Variants in DNAH12 observed in about 807,000 individuals in gnomAD.
The protein encoded by DNAH12 is dynein axonemal heavy chain 12, also known as axonemal beta dynein heavy chain 12.
In DNAH12, 285 loss-of-function variants were observed where a neutral mutation model predicts 371.5. The ratio of observed to expected loss-of-function variants is 0.77; its 90% CI spans 0.70 to 0.85. The LOEUF (loss-of-function observed/expected upper bound fraction) is 0.85. Ranked by LOEUF, DNAH12 falls within the 40% of genes least tolerant of loss-of-function variation. The probability of loss-of-function intolerance (pLI) is 0.00; values close to 1 mark genes in which losing one functional copy is unlikely to be tolerated. For missense variants in DNAH12, 3,611 were observed against 3,689.4 expected, an observed-to-expected ratio of 0.98 and a Z score of 0.55; for synonymous variants, 1,200 against 1,213.0, an observed-to-expected ratio of 0.99 and a Z score of 0.22.
At chr3:57,493,981 C>T (rs183514218) in intron 11 of DNAH12, among the ~76,000 whole-genome samples, 42 of 152,254 alleles carry the variant, frequency 2.8e-4, no homozygotes, top group African/African-American at 9.1e-4. Flanking sequence ...GCTTGTAATG[C>T]CAGAGCTTTG....
chr3:57,421,944 T>C (rs906055214), intron 35 of DNAH12, among the ~76,000 whole-genome samples: 10 of 137,270 alleles, frequency 7.3e-5, no homozygotes, highest in Non-Finnish European at 1.5e-4. Flanking sequence ...CTCTCTCTGG[T>C]TGCCCAGGCT....
chr3:57,453,142 T>C, intron 24 of DNAH12, 105 bp downstream of exon 24: 2 of 1,461,690 alleles, frequency 1.4e-6, no homozygotes, highest in Non-Finnish European at 1.8e-6. Context: ...TAAAAAAGAT[T>C]GTGTTAAAAA....
intron 37 of DNAH12, among the ~76,000 whole-genome samples, chr3:57,418,877 G>A (rs1431796592): frequency 8.5e-5 from 13 of 152,210 alleles, no homozygotes; most frequent in Admixed American, 8.5e-4. Context: ...TATGCAAACA[G>A]TACACATCTA....
At chr3:57,377,844 A>T (rs2063312664) in intron 52 of DNAH12, among the ~76,000 whole-genome samples, 1 of 152,162 alleles carries the variant, frequency 6.6e-6, no homozygotes, top group African/African-American at 2.4e-5. Flanking sequence ...CAGTTTGGCC[A>T]ACTGGATCAC....
chr3:57,521,790 G>A (rs2068456768), intron 4 of DNAH12, among the ~76,000 whole-genome samples: 1 of 152,130 alleles, frequency 6.6e-6, no homozygotes, highest in Non-Finnish European at 1.5e-5. Flanking sequence ...AGGAGGCTGA[G>A]GCAGAAGAAT....
At chr3:57,330,003 C>G (rs1002894973) in intron 62 of DNAH12, among the ~76,000 whole-genome samples, 4 of 151,702 alleles carry the variant, frequency 2.6e-5, no homozygotes, top group African/African-American at 4.8e-5. Flanking sequence ...CAAATCAAAA[C>G]CACAATGAGA....
At chr3:57,379,842 C>CAAAAAAAAAA (rs1170490495) in intron 51 of DNAH12, among the ~76,000 whole-genome samples, 2 of 22,378 alleles carry the variant, frequency 8.9e-5, no homozygotes, top group African/African-American at 1.3e-4. Flanking sequence ...CTCTGTCTCC[C>CAAAAAAAAAA]AAAAAAAAAA....
At chr3:57,388,285 C>T (rs2063536296) in intron 45 of DNAH12, among the ~76,000 whole-genome samples, 1 of 152,144 alleles carries the variant, frequency 6.6e-6, no homozygotes, top group Non-Finnish European at 1.5e-5. Context: ...CATTCCTTCC[C>T]CCATTACTCT....
the DNAH12 span, among the ~76,000 whole-genome samples, chr3:57,555,401 A>G: frequency 6.6e-6 from 1 of 152,042 alleles, no homozygotes; most frequent in African/African-American, 2.4e-5. Flanking sequence ...CTAAAAATAA[A>G]CACTGGGTGG....
rs115895467 is a variant in DNAH12 at position 57,401,928 on chromosome 3, C to T, written c.6948+1381G>A. On this transcript the variant is annotated intron_variant, in intron 43 of 73. Transcript: ENST00000495027. ...GATAAGTCCCTAGAAACTAAAGCAC[C>T]GATCGATTTATTAATATGCTAAAAA... Among the ~76,000 whole-genome samples, 1,361 of 152,172 alleles carry T rather than the reference C, an allele frequency of 8.9e-3. 22 individuals are homozygous for T. The highest frequency in any genetic ancestry group is 0.03 in the African/African-American group (1,256 of 41,514).
chr3:57,513,756 T>C (rs1255707026), intron 4 of DNAH12, among the ~76,000 whole-genome samples: 1 of 152,198 alleles, frequency 6.6e-6, no homozygotes, highest in Non-Finnish European at 1.5e-5. Flanking sequence ...TGAGATACCA[T>C]CTGTCACATA....
At chr3:57,411,647 T>G (rs2153355717) in intron 39 of DNAH12, among the ~76,000 whole-genome samples, 1 of 149,908 alleles carries the variant, frequency 6.7e-6, no homozygotes, top group Admixed American at 6.6e-5. Flanking sequence ...AGAAGATCTA[T>G]ATGAGGAAAA....
intron 6 of DNAH12, 110 bp from the exon 7 acceptor site, chr3:57,508,650 G>T: frequency 8.1e-7 from 1 of 1,232,898 alleles, no homozygotes; most frequent in Non-Finnish European, 1.1e-6. Context: ...ACTGGGGCTT[G>T]AGAAGAGGGA....
chr3:57,507,685 C>T lies in DNAH12; in HGVS notation c.855G>A (p.Leu285=). The T allele has an allele frequency of 6.2e-7, 1 of 1,609,516 alleles. No individual in the cohort carries two copies. Among genetic ancestry groups the T allele is most frequent in the Non-Finnish European group, 8.5e-7 (1 of 1,179,340 alleles). Residue 285 remains leucine (L), a synonymous_variant, in exon 8 of 74, where the codon TTG becomes TTA. Transcript: ENST00000495027. ...TGGAAACACAGCTATAAAATGCATC[C>T]AATTTTTCAGGTTTAACACCTTCTA... The part of the protein sequence containing the change: ...EALEGVKPEK[L]DAFYSCVSTL...
In DNAH12 at chr3:57,453,018, AG is replaced by A; in HGVS notation, c.3614-4del. 6.5e-7 allele frequency: 1 copy of A among 1,535,102 alleles called. No individual in the cohort carries two copies. The highest frequency in any genetic ancestry group is 1.3e-5 in the South Asian group (1 of 79,020). ...GAAATCTGTATCATGTGAGACACCT[AG>A]AAAAAATAAAGTAAAATAAGACACA... On this transcript the variant is annotated splice_polypyrimidine_tract_variant and splice_region_variant and intron_variant, in intron 24 of 73. Transcript: ENST00000495027.
At chr3:57,546,032 G>A (rs2069550305), upstream of DNAH12, among the ~76,000 whole-genome samples, 1 of 152,100 alleles carries the variant, frequency 6.6e-6, no homozygotes, top group Admixed American at 6.5e-5. Context: ...TTTGTCCTGG[G>A]CCAAGGTCCA....
chr3:57,445,099 T>C lies in DNAH12; in HGVS notation c.4425+75A>G, dbSNP rs546331381. 3 of 1,427,034 alleles carry C rather than the reference T, an allele frequency of 2.1e-6. No homozygotes were observed. The South Asian group carries it at 4.5e-5, about 22-fold the overall frequency. 88.4% of individuals were successfully genotyped at this position (1,427,034 alleles called of 1,614,324 possible). A position where few individuals can be genotyped will look rare whatever the true frequency, so the allele number is the denominator to read the frequency against. The stretch of plus-strand genomic sequence containing the variant: ...CTCAACCCTCTCAAGTGCCTATTTG[T>C]AGTTCCTGATTAACCTCACTAAAGA... On this transcript the variant is annotated intron_variant, in intron 28 of 73. Transcript: ENST00000495027.
chr3:57,421,581 A>G lies in DNAH12; in HGVS notation c.5499T>C (p.Asp1833=). The G allele has an allele frequency of 6.4e-6, 10 of 1,551,618 alleles. No individual in the cohort carries two copies. The highest frequency in any genetic ancestry group is 8.7e-6 in the Non-Finnish European group (10 of 1,146,980). ...LGKDDENPVP[D]SVGKWECPFD... ...ATGGGCATTCCCATTTACCCACAGA[A>G]TCTGGCACTGGGTTTTCATCATCTT... is the stretch of plus-strand genomic sequence containing the variant. The change falls in exon 36 of 74, where the codon GAT becomes GAC. Residue 1833 remains aspartate, a synonymous_variant. Transcript: ENST00000495027.
intron 62 of DNAH12, among the ~76,000 whole-genome samples, chr3:57,326,251 T>C (rs902978725): frequency 2.0e-5 from 3 of 151,582 alleles, no homozygotes; most frequent in African/African-American, 7.3e-5. Context: ...CCAAGACACA[T>C]AATTGTCAGA....
Sources: gnomAD v4.1 joint callset for allele counts (sites outside exome capture counted in the v4.1 genomes callset) on GRCh38, gnomAD v4.1.1 for gene constraint, MANE v1.5 for transcripts, NCBI Gene and HGNC (gene_info 2026-07-23, HGNC 2026-07-21) for gene names.